The following HIP1R variants were observed in gnomAD, a reference collection of about 807,000 sequenced individuals.
The protein encoded by HIP1R is huntingtin-interacting protein 1-related protein.
Under a neutral mutation model 144.2 loss-of-function variants are expected in HIP1R, and 135 were observed. The ratio of observed to expected loss-of-function variants is 0.94; its 90% CI spans 0.81 to 1.08. The LOEUF (loss-of-function observed/expected upper bound fraction) is 1.08. Among genes scored for constraint, HIP1R ranks in the 50% least tolerant of loss-of-function variants. The pLI is 0.00. For synonymous variants in HIP1R, 698 were observed against 612.8 expected (o/e 1.14, Z -2.05); for missense variants, 1,462 against 1,432.8 (o/e 1.02, Z -0.33).
chr12:122,861,933 G>A lies in HIP1R; in HGVS notation c.*180G>A. On this transcript the variant is annotated 3_prime_UTR_variant, in exon 32 of 32. Coordinates refer to ENST00000253083, the MANE Select transcript of HIP1R (RefSeq NM_003959.3). ...CTGCAGGGTCCTGGGCCATGTGGGTGGTGCTTCTGGATGTGAGTCTCTTAT... is the reference window on the plus strand; with the variant it reads ...CTGCAGGGTCCTGGGCCATGTGGGTAGTGCTTCTGGATGTGAGTCTCTTAT... 3 of 574,012 alleles carry A rather than the reference G, an allele frequency of 5.2e-6. No individual in the cohort carries two copies. The highest frequency in any genetic ancestry group is 6.1e-6 in the Non-Finnish European group (2 of 328,698). 35.6% of individuals were successfully genotyped at this position (574,012 alleles called of 1,614,324 possible).
chr12:122,835,850 G>T (rs1198151961), intron 1 of HIP1R, among the ~76,000 whole-genome samples: 2 of 149,836 alleles, frequency 1.3e-5, no homozygotes, highest in African/African-American at 4.9e-5. Context: ...GCCGACCGGC[G>T]CGCAGGTGAA....
intron 1 of HIP1R, among the ~76,000 whole-genome samples, chr12:122,837,284 A>G (rs1276341545): frequency 6.6e-6 from 1 of 151,402 alleles, no homozygotes; most frequent in African/African-American, 2.4e-5. Flanking sequence ...AGGACCACAC[A>G]TTTTAGTGGT....
chr12:122,860,653 G>A, intron 27 of HIP1R, 26 bp from the exon 28 acceptor site: 1 of 1,601,860 alleles, frequency 6.2e-7, no homozygotes, highest in Non-Finnish European at 8.5e-7. Flanking sequence ...CAGAGACCCT[G>A]GCCCTGACTG....
chr12:122,835,121 G>A, upstream of HIP1R: 1 of 774,488 alleles, frequency 1.3e-6, no homozygotes, highest in East Asian at 6.7e-5. Context: ...CGGGTTTAGG[G>A]AGGGGATTAG....
intron 1 of HIP1R, among the ~76,000 whole-genome samples, chr12:122,844,680 C>T (rs902510986): frequency 3.3e-5 from 5 of 152,214 alleles, no homozygotes; most frequent in African/African-American, 9.6e-5. Flanking sequence ...TGCTGAGTAG[C>T]GGACAGACCC....
intron 20 of HIP1R, 142 bp downstream of exon 20, chr12:122,858,577 C>T (rs1014975486): frequency 5.6e-6 from 4 of 714,896 alleles, no homozygotes; most frequent in African/African-American, 5.3e-5. Context: ...TGCTCCTTCC[C>T]AGGAACCCAC....
Position 122,861,039 on chromosome 12 carries a change from G to T in HIP1R, c.2890G>T (p.Asp964Tyr), listed in dbSNP as rs2033754263. Residue 964 changes from aspartate to tyrosine, a missense_variant and splice_region_variant, in exon 29 of 32, where the codon GAC becomes TAC. Asp to Tyr is a radical substitution (Grantham distance 160, BLOSUM62 -3). Around this residue, in one of 2 missense-constraint regions of HIP1R, gnomAD observed 1,112 missense variants for 1,011.7 expected, o/e 1.10. Transcript: ENST00000253083. Reference sequence around the variant, plus strand: ...AGGCCAGGAGCAGATTGAGGACAGAGGTGAGTGCCAGATGCCAACGGGGGC... The same window carrying T: ...AGGCCAGGAGCAGATTGAGGACAGATGTGAGTGCCAGATGCCAACGGGGGC... ...KSGQEQIEDR[D>Y]TMDFSGLSLI... 2 of 1,613,732 alleles carry T rather than the reference G, an allele frequency of 1.2e-6. No individual in the cohort carries two copies. The highest frequency in any genetic ancestry group is 1.7e-6 in the Non-Finnish European group (2 of 1,180,028).
rs151018639 is a variant in HIP1R, at chr12:122,840,303, G to T, written c.93+4660G>T. Among the ~76,000 whole-genome samples, 1 of 152,160 alleles carries T rather than the reference G, an allele frequency of 6.6e-6. No individual in the cohort carries two copies. Among genetic ancestry groups the T allele is most frequent in the Non-Finnish European group, 1.5e-5 (1 of 68,032 alleles). Reference sequence around the variant, plus strand: ...GCGCCGCTTGCTGTCTTACCATTTGGCCTGTTCCTGTAGCTTTGGGGTGTG... The same window carrying T: ...GCGCCGCTTGCTGTCTTACCATTTGTCCTGTTCCTGTAGCTTTGGGGTGTG... On this transcript the variant is annotated intron_variant, in intron 1 of 31. Transcript: ENST00000253083. The surrounding 1 kb of genome is among the most constrained non-coding windows in gnomAD (Gnocchi z 4.2).
Position 122,858,907 on chromosome 12 carries a change from G to T in HIP1R, c.2120G>T (p.Gly707Val). Residue 707 changes from glycine to valine, a missense_variant, in exon 21 of 32, where the codon GGT becomes GTT. Physicochemically the swap from Gly to Val is moderately radical, Grantham distance 109. Coordinates refer to ENST00000253083, the MANE Select transcript of HIP1R (RefSeq NM_003959.3). ...GCTGCGGATACCATCATCAATGGCGGTGCCACCTCGCACCTGGCTCCCACC... is the reference window on the plus strand; with the variant it reads ...GCTGCGGATACCATCATCAATGGCGTTGCCACCTCGCACCTGGCTCCCACC... The part of the protein sequence containing the change: ...HLAADTIING[G>V]ATSHLAPTDP... 2 of 1,613,220 alleles carry T rather than the reference G, an allele frequency of 1.2e-6. No individual in the cohort carries two copies. Among genetic ancestry groups the T allele is most frequent in the Admixed American group, 3.3e-5 (2 of 60,026 alleles).
At chr12:122,859,727 G>A (rs758785798) in intron 23 of HIP1R, 45 bp from the exon 24 acceptor site, 166 of 1,600,404 alleles carry the variant, frequency 1.0e-4, no homozygotes, top group Non-Finnish European at 1.3e-4. Context: ...CCAGGACCAC[G>A]GTCCCCTCCT....
Position 122,861,820 on chromosome 12 carries a change from C to T in HIP1R, c.*67C>T, listed in dbSNP as rs368863813. 3.4e-4 allele frequency: 498 copies of T among 1,485,598 alleles called. 1 individual carries two copies. The highest frequency in any genetic ancestry group is 2.0e-3 in the African/African-American group (146 of 72,254). The allele number at this position is 1,485,598 out of a possible 1,614,324, so 92.0% of individuals were successfully genotyped here. On this transcript the variant is annotated 3_prime_UTR_variant, in exon 32 of 32. Coordinates refer to ENST00000253083, the MANE Select transcript of HIP1R (RefSeq NM_003959.3). ...GCCTCTGCAACTGCCCTGACAGGAC[C>T]GAGAGGCCTTGCCCCTCCACCTGGT...
In HIP1R at chr12:122,862,449, A is replaced by C. The variant is rs2033800050; in HGVS notation, c.*696A>C. 1 of 130,596 alleles carries C rather than the reference A, an allele frequency of 7.7e-6. No homozygotes were observed. The highest frequency in any genetic ancestry group is 1.6e-5 in the Non-Finnish European group (1 of 60,638). 8.1% of individuals were successfully genotyped at this position (130,596 alleles called of 1,614,324 possible). A position where few individuals can be genotyped will look rare whatever the true frequency, so the allele number is the denominator to read the frequency against. On this transcript the variant is annotated 3_prime_UTR_variant, in exon 32 of 32. Transcript: ENST00000253083. ...GGGCGCTGCCTTCACTCCTGGAGTG[A>C]GTTTCCATTTCCAGCTGGAATCTGC...
intron 1 of HIP1R, among the ~76,000 whole-genome samples, chr12:122,846,760 C>T (rs528369972): frequency 4.1e-4 from 63 of 152,294 alleles, no homozygotes; most frequent in Non-Finnish European, 7.9e-4. Flanking sequence ...GGGCCGGGGG[C>T]GGCCCAGAGG....
Position 122,848,839 on chromosome 12 carries a change from T to C in HIP1R, c.344T>C (p.Ile115Thr), listed in dbSNP as rs1566105000. The change falls in exon 4 of 32, where the codon ATT becomes ACT. Residue 115 changes from isoleucine to threonine, a missense_variant. Physicochemically the swap from Ile to Thr is moderately conservative, Grantham distance 89 (BLOSUM62 -1). This residue lies in a region of HIP1R where 350 missense variants were observed against 421.1 expected (regional missense o/e 0.83). Transcript: ENST00000253083. Reference protein sequence around the residue: ...CQRYRSNIREIGDLWGHLHDR... With the variant: ...CQRYRSNIRETGDLWGHLHDR... ...CGGTACCGCAGCAACATCCGGGAGA[T>C]TGGAGACCTGTGGGTAGGTCCAGCC... 2.5e-6 allele frequency: 4 copies of C among 1,613,260 alleles called. No individual in the cohort carries two copies. The highest frequency in any genetic ancestry group is 1.1e-5 in the South Asian group (1 of 91,092).
Position 122,856,002 on chromosome 12 carries a change from T to C in HIP1R, c.1151T>C (p.Leu384Pro), listed in dbSNP as rs1180231950. 2.5e-6 allele frequency: 4 copies of C among 1,593,200 alleles called. No homozygotes were observed. The South Asian group carries it at 4.6e-5, about 18-fold the overall frequency. The change falls in exon 14 of 32, where the codon CTG becomes CCG. Residue 384 changes from leucine (L) to proline (P), a missense_variant. Transcript: ENST00000253083. ...CAGGCCCAGCGGTACATCGCGCAGCTGAAGAGCCAGGTGAATGCACTGGAG... is the reference window on the plus strand; with the variant it reads ...CAGGCCCAGCGGTACATCGCGCAGCCGAAGAGCCAGGTGAATGCACTGGAG... ...KLEAQRYIAQ[L>P]KSQVNALEGE...
intron 1 of HIP1R, among the ~76,000 whole-genome samples, chr12:122,847,106 T>C (rs1019407801): frequency 1.3e-5 from 2 of 152,148 alleles, no homozygotes; most frequent in Non-Finnish European, 2.9e-5. Flanking sequence ...CTCCCGCCCA[T>C]GGCCTGGACA....
chr12:122,848,386 C>A (rs931345839), intron 2 of HIP1R, 80 bp from the exon 3 acceptor site: 41 of 1,512,040 alleles, frequency 2.7e-5, no homozygotes, highest in Non-Finnish European at 3.5e-5. Flanking sequence ...CCTCTTCCGG[C>A]GGCCCTGGCC....
upstream of HIP1R, chr12:122,834,865 A>G (rs898409909): frequency 4.6e-6 from 4 of 875,230 alleles, no homozygotes; most frequent in Admixed American, 4.7e-5. Context: ...CAAAGAGGGG[A>G]GAGTGTCATT....
At chr12:122,848,885 T>A (rs1301214490) in intron 4 of HIP1R, 33 bp downstream of exon 4, 2 of 1,607,838 alleles carry the variant, frequency 1.2e-6, no homozygotes, top group Non-Finnish European at 1.7e-6. Flanking sequence ...CTGCCTGGCA[T>A]TCGGGGCTTT....
Sources: gnomAD v4.1 joint callset for allele counts (sites outside exome capture counted in the v4.1 genomes callset) on GRCh38, gnomAD v4.1.1 for gene constraint, gnomAD v4.1.1 regional missense constraint, Gnocchi (gnomAD v3.1) non-coding constraint, MANE v1.5 for transcripts, NCBI Gene and HGNC (gene_info 2026-07-23, HGNC 2026-07-21) for gene names.